EBF1: variants seen among roughly 807,000 people sequenced by gnomAD.
The protein encoded by EBF1 is EBF transcription factor 1, also known as transcription factor COE1.
EBF1 carries 10 observed loss-of-function variants against 68.4 expected under a neutral mutation model. The observed-to-expected ratio is 0.15, with a 90% CI of 0.09 to 0.25. The LOEUF is 0.25. Among genes scored for constraint, EBF1 ranks in the 10% least tolerant of loss-of-function variants. The pLI, the probability that EBF1 is intolerant of heterozygous loss-of-function variation, is 1.00. For missense variants in EBF1, 509 were observed against 794.4 expected, an observed-to-expected ratio of 0.64 and a Z score of 4.32; for synonymous variants, 298 against 299.8, an observed-to-expected ratio of 0.99 and a Z score of 0.06.
chr5:158,712,116 G>A (rs764020405), intron 14 of EBF1, 38 bp downstream of exon 14: 22 of 1,607,032 alleles, frequency 1.4e-5, no homozygotes, highest in African/African-American at 6.7e-5. Flanking sequence ...TTCTTCTAGC[G>A]AAACGTGCAG....
intron 6 of EBF1, among the ~76,000 whole-genome samples, chr5:158,852,656 C>T (rs1455253896): frequency 1.3e-5 from 2 of 152,046 alleles, no homozygotes; most frequent in Non-Finnish European, 2.9e-5. Flanking sequence ...GTGTTCTAGT[C>T]CATAAAAATA....
intron 8 of EBF1, among the ~76,000 whole-genome samples, chr5:158,805,206 G>T (rs1447322425): frequency 6.6e-6 from 1 of 152,140 alleles, no homozygotes; most frequent in East Asian, 1.9e-4. Context: ...ATATGCAACT[G>T]CTTCTTCAAG....
intron 6 of EBF1, among the ~76,000 whole-genome samples, chr5:159,041,761 T>C (rs533645236): frequency 1.3e-5 from 2 of 152,310 alleles, no homozygotes; most frequent in African/African-American, 4.8e-5. Context: ...GCTCCTATAT[T>C]TAGTTCCTTC....
At chr5:159,001,474 A>G (rs779602876) in intron 6 of EBF1, among the ~76,000 whole-genome samples, 1 of 152,150 alleles carries the variant, frequency 6.6e-6, no homozygotes. Flanking sequence ...CCATTCACTG[A>G]CTGTGTGACC....
chr5:158,940,370 C>A (rs554052307), intron 6 of EBF1, among the ~76,000 whole-genome samples: 50 of 152,310 alleles, frequency 3.3e-4, no homozygotes, highest in Non-Finnish European at 5.9e-4. Context: ...ACTGTGACAA[C>A]CTCTACTACT....
chr5:158,850,655 T>C (rs1010687469), intron 6 of EBF1, among the ~76,000 whole-genome samples: 38 of 152,214 alleles, frequency 2.5e-4, no homozygotes, highest in Non-Finnish European at 3.8e-4. Flanking sequence ...TGGAGCTATA[T>C]ACCAGAAATT....
intron 6 of EBF1, among the ~76,000 whole-genome samples, chr5:158,914,620 G>C (rs1399519972): frequency 6.6e-6 from 1 of 152,126 alleles, no homozygotes; most frequent in East Asian, 1.9e-4. Context: ...AAAAGGAGGG[G>C]GGGAAATGCC....
chr5:158,743,099 G>A (rs1007782129), intron 10 of EBF1, among the ~76,000 whole-genome samples: 1 of 152,160 alleles, frequency 6.6e-6, no homozygotes, highest in Non-Finnish European at 1.5e-5. Flanking sequence ...ATGGTCCAGT[G>A]GGGAGACAGA....
intron 6 of EBF1, among the ~76,000 whole-genome samples, chr5:158,894,087 T>C (rs1216867026): frequency 6.6e-6 from 1 of 152,154 alleles, no homozygotes; most frequent in Non-Finnish European, 1.5e-5. Flanking sequence ...CTAAAACTCC[T>C]GCAAATGAAT....
At chr5:158,875,403 A>G (rs1293280335) in intron 6 of EBF1, among the ~76,000 whole-genome samples, 2 of 152,230 alleles carry the variant, frequency 1.3e-5, no homozygotes, top group Non-Finnish European at 2.9e-5. Flanking sequence ...AACCAGTGTC[A>G]CTTCATGACT....
rs925493667 is a variant in EBF1 at position 158,877,133 on chromosome 5, TCCCACAGTTCCAAG to T, written c.555-37037_555-37024del. ...ACTGCACCCAGATTCACTTCAGTTT[TCCCACAGTTCCAAG>T]CCCACAGTTCCAAGCCCAACTCTGA... On this transcript the variant is annotated intron_variant, in intron 6 of 15. Coordinates refer to ENST00000313708, the MANE Select transcript of EBF1 (RefSeq NM_024007.5). Among the ~76,000 whole-genome samples, 428 of 152,266 alleles carry T rather than the reference TCCCACAGTTCCAAG, an allele frequency of 2.8e-3. 2 individuals are homozygous for T. Among genetic ancestry groups the T allele is most frequent in the African/African-American group, 9.0e-3 (374 of 41,544 alleles).
intron 11 of EBF1, 154 bp downstream of exon 11, chr5:158,730,915 G>C (rs544638644): frequency 1.1e-5 from 7 of 631,360 alleles, no homozygotes; most frequent in African/African-American, 1.8e-5. Context: ...ATAAGTGCTT[G>C]CTACTTTTAT....
At chr5:158,822,213 G>A (rs1290667471) in intron 8 of EBF1, among the ~76,000 whole-genome samples, 1 of 151,990 alleles carries the variant, frequency 6.6e-6, no homozygotes, top group Non-Finnish European at 1.5e-5. Flanking sequence ...AGTCTAATAT[G>A]GTGACTGGTA....
chr5:158,769,156 C>T (rs900436778), intron 10 of EBF1, among the ~76,000 whole-genome samples: 1 of 152,194 alleles, frequency 6.6e-6, no homozygotes, highest in Non-Finnish European at 1.5e-5. Flanking sequence ...TTATCTGCTT[C>T]TTCCTACTGT....
intron 6 of EBF1, among the ~76,000 whole-genome samples, chr5:158,857,946 T>C (rs1010370727): frequency 3.3e-5 from 5 of 152,218 alleles, no homozygotes; most frequent in African/African-American, 4.8e-5. Context: ...TTACTTTCCT[T>C]AACACAACTT....
At chr5:159,068,539 C>A (rs1777259200) in intron 6 of EBF1, among the ~76,000 whole-genome samples, 1 of 152,122 alleles carries the variant, frequency 6.6e-6, no homozygotes, top group Admixed American at 6.5e-5. Flanking sequence ...GATAAGGCAA[C>A]ACTGCACTTT....
intron 7 of EBF1, among the ~76,000 whole-genome samples, chr5:158,828,803 T>C (rs894631642): frequency 6.6e-6 from 1 of 152,176 alleles, no homozygotes; most frequent in African/African-American, 2.4e-5. Flanking sequence ...CTTCAATGGA[T>C]GAATGGAAAA....
At chr5:158,837,339 T>G (rs1053644914) in intron 7 of EBF1, among the ~76,000 whole-genome samples, 5 of 152,230 alleles carry the variant, frequency 3.3e-5, no homozygotes, top group African/African-American at 1.2e-4. Flanking sequence ...AACCCTAGAC[T>G]GAACTCATGA....
intron 6 of EBF1, among the ~76,000 whole-genome samples, chr5:159,058,697 A>C (rs1775231430): frequency 1.3e-5 from 2 of 152,214 alleles, no homozygotes; most frequent in African/African-American, 2.4e-5. Context: ...AATCCAACCT[A>C]GTGGAAGAAG....
Sources: allele counts gnomAD v4.1 joint callset (sites outside exome capture counted in the v4.1 genomes callset), GRCh38; gene constraint gnomAD v4.1.1; transcripts MANE v1.5; gene names NCBI Gene and HGNC (gene_info 2026-07-23, HGNC 2026-07-21).